PRIM2: variants seen among roughly 807,000 people sequenced by gnomAD.
The protein encoded by PRIM2 is DNA primase subunit 2, also known as DNA primase large subunit.
In PRIM2, 39 loss-of-function variants were observed where a neutral mutation model predicts 67.3. The ratio of observed to expected loss-of-function variants is 0.58; its 90% CI spans 0.45 to 0.76. The LOEUF is 0.76. PRIM2 is among the 30% of genes least tolerant of loss of function. The pLI is 0.00. For synonymous variants in PRIM2, 143 were observed against 198.7 expected (o/e 0.72, Z 2.36); for missense variants, 398 against 598.7 (o/e 0.66, Z 3.50).
intron 10 of PRIM2, among the ~76,000 whole-genome samples, chr6:57,585,350 T>C (rs1776170067): frequency 6.6e-6 from 1 of 152,152 alleles, no homozygotes; most frequent in Non-Finnish European, 1.5e-5. Context: ...GTAGTTAAAG[T>C]GGTAAAAACA....
At chr6:57,271,406 T>G in the PRIM2 span, among the ~76,000 whole-genome samples, 4 of 152,236 alleles carry the variant, frequency 2.6e-5, no homozygotes, top group African/African-American at 9.6e-5. Flanking sequence ...ATTTTCTAGT[T>G]TATTTGCGTA....
chr6:57,447,054 A>G (rs966299626), intron 7 of PRIM2, among the ~76,000 whole-genome samples: 9 of 152,212 alleles, frequency 5.9e-5, no homozygotes, highest in Non-Finnish European at 1.2e-4. Flanking sequence ...GTCAGGGAAG[A>G]GCTTCTGATT....
intron 10 of PRIM2, among the ~76,000 whole-genome samples, chr6:57,566,217 AC>A (rs1421083049): frequency 1.4e-5 from 2 of 147,740 alleles, no homozygotes; most frequent in Non-Finnish European, 3.0e-5. Context: ...CTAAAGACTT[AC>A]GTAGATTCAG....
chr6:57,629,881 C>T (rs1777013187), intron 12 of PRIM2, among the ~76,000 whole-genome samples: 1 of 151,532 alleles, frequency 6.6e-6, no homozygotes. Flanking sequence ...TGAAATGAAA[C>T]TATATATTCA....
At chr6:57,458,463 C>T (rs955649335) in intron 7 of PRIM2, among the ~76,000 whole-genome samples, 5 of 152,254 alleles carry the variant, frequency 3.3e-5, no homozygotes, top group African/African-American at 1.2e-4. Context: ...GTGGGCAGAT[C>T]ACCTGAGGTC....
intron 7 of PRIM2, among the ~76,000 whole-genome samples, chr6:57,426,480 A>G (rs1241824931): frequency 6.6e-6 from 1 of 152,230 alleles, no homozygotes; most frequent in Non-Finnish European, 1.5e-5. Flanking sequence ...TTGAACAGAC[A>G]TTTTACAAAG....
chr6:57,525,937 TG>T (rs1774742053), intron 8 of PRIM2, among the ~76,000 whole-genome samples: 1 of 152,184 alleles, frequency 6.6e-6, no homozygotes, highest in Non-Finnish European at 1.5e-5. Context: ...GTGTGTGTGG[TG>T]TTTTTTTATT....
At chr6:57,436,327 C>T (rs951336185) in intron 7 of PRIM2, among the ~76,000 whole-genome samples, 3 of 152,156 alleles carry the variant, frequency 2.0e-5, no homozygotes, top group East Asian at 1.9e-4. Context: ...CTCATAAAGT[C>T]GCTAAGTCTC....
At chr6:57,376,252 G>T (rs1158651158) in intron 5 of PRIM2, among the ~76,000 whole-genome samples, 1 of 151,940 alleles carries the variant, frequency 6.6e-6, no homozygotes, top group South Asian at 2.1e-4. Flanking sequence ...GGCCTCAAGC[G>T]ATCCAACCAC....
intron 12 of PRIM2, among the ~76,000 whole-genome samples, chr6:57,620,564 G>A (rs1186438641): frequency 6.6e-6 from 1 of 152,168 alleles, no homozygotes; most frequent in African/African-American, 2.4e-5. Flanking sequence ...GCTAAAAGGA[G>A]CTCTAAATCT....
At chr6:57,278,219 C>T in the PRIM2 span, among the ~76,000 whole-genome samples, 16 of 151,480 alleles carry the variant, frequency 1.1e-4, no homozygotes, top group South Asian at 4.2e-4. Context: ...CCCAGCTACT[C>T]GGGAGGCTGA....
At chr6:57,362,996 A>G (rs574813856) in intron 5 of PRIM2, among the ~76,000 whole-genome samples, 1 of 152,334 alleles carries the variant, frequency 6.6e-6, no homozygotes, top group East Asian at 1.9e-4. Flanking sequence ...GCTTACTCTC[A>G]TTAAAGTTTT....
At chr6:57,343,032 A>G (rs1241110159) in intron 5 of PRIM2, among the ~76,000 whole-genome samples, 1 of 152,178 alleles carries the variant, frequency 6.6e-6, no homozygotes, top group Non-Finnish European at 1.5e-5. Context: ...TGTTATTGAA[A>G]ATGTCAATTA....
chr6:57,319,445 A>C (rs1265843479), intron 2 of PRIM2, among the ~76,000 whole-genome samples: 1 of 152,254 alleles, frequency 6.6e-6, no homozygotes, highest in Non-Finnish European at 1.5e-5. Flanking sequence ...CTGCTAATAC[A>C]GAGAGGAGGC....
At chr6:57,462,887 G>A (rs1386250534) in intron 7 of PRIM2, among the ~76,000 whole-genome samples, 2 of 152,192 alleles carry the variant, frequency 1.3e-5, no homozygotes, top group Non-Finnish European at 2.9e-5. Flanking sequence ...AGATTTAACT[G>A]CTTCGTAGAG....
chr6:57,366,922 A>C (rs796216875), intron 5 of PRIM2, among the ~76,000 whole-genome samples: 59 of 152,328 alleles, frequency 3.9e-4, no homozygotes, highest in African/African-American at 1.4e-3. Context: ...TCTTGATTAA[A>C]TTACCTATTT....
chr6:57,253,733 A>C, the PRIM2 span, among the ~76,000 whole-genome samples: 4 of 152,180 alleles, frequency 2.6e-5, no homozygotes, highest in African/African-American at 9.7e-5. Flanking sequence ...AGTTTCTATC[A>C]AGGAAGACTG....
chr6:57,504,800 A>G (rs1774219211), intron 7 of PRIM2, among the ~76,000 whole-genome samples: 1 of 152,176 alleles, frequency 6.6e-6, no homozygotes, highest in African/African-American at 2.4e-5. Context: ...TCTCATTGTG[A>G]CAGTGTATTG....
rs114886866 is a variant in PRIM2 at position 57,340,893 on chromosome 6, T to C, written c.459+14848T>C. 5.9e-3 allele frequency among the ~76,000 whole-genome samples: 898 copies of C among 152,318 alleles called. 9 individuals carry two copies. Among genetic ancestry groups the C allele is most frequent in the African/African-American group, 0.02 (847 of 41,574 alleles). ...AAAATGGTGTTGAGTCTTTTTGTTT[T>C]AGGAAACAGGAATTTATGGGAAATG... On this transcript the variant is annotated intron_variant, in intron 5 of 13. Coordinates refer to ENST00000615550, the MANE Select transcript of PRIM2 (RefSeq NM_000947.5).
Sources: allele counts gnomAD v4.1 joint callset (sites outside exome capture counted in the v4.1 genomes callset), GRCh38; gene constraint gnomAD v4.1.1; transcripts MANE v1.5; gene names NCBI Gene and HGNC (gene_info 2026-07-23, HGNC 2026-07-21).